The following TBCD variants were observed in gnomAD, a reference collection of about 807,000 sequenced individuals.
The protein encoded by TBCD is tubulin folding cofactor D, also known as tubulin-specific chaperone D.
TBCD carries 105 observed loss-of-function variants against 169.3 expected under a neutral mutation model. The observed-to-expected ratio is 0.62, with a 90% CI of 0.53 to 0.73. The LOEUF (loss-of-function observed/expected upper bound fraction) is 0.73. Ranked by LOEUF, TBCD falls within the 30% of genes least tolerant of loss-of-function variation. The probability of loss-of-function intolerance (pLI) is 0.00; values close to 1 mark genes in which losing one functional copy is unlikely to be tolerated. For missense variants in TBCD, 1,444 were observed against 1,600.1 expected (o/e 0.90, Z 1.66); for synonymous variants, 700 against 643.9 (o/e 1.09, Z -1.32).
rs1290288115 is a variant in TBCD at position 82,939,420 on chromosome 17, C to T, written c.3423C>T (p.Asp1141=). 5.6e-6 allele frequency: 9 copies of T among 1,613,626 alleles called. No homozygotes were observed. The highest frequency in any genetic ancestry group is 2.2e-5 in the East Asian group (1 of 44,884). The change falls in exon 37 of 39, where the codon GAC becomes GAT. Residue 1141 remains aspartate, a synonymous_variant. Transcript: ENST00000355528. ...QVYETLLTYS[D]VVGADVLDEV... ...ACGAGACATTGCTCACCTACAGTGACGTCGTGGGCGCGGATGTGCTGGACG... is the reference window on the plus strand; with the variant it reads ...ACGAGACATTGCTCACCTACAGTGATGTCGTGGGCGCGGATGTGCTGGACG...
At chr17:82,800,322 C>T (rs868203) in intron 8 of TBCD, among the ~76,000 whole-genome samples, 14,240 of 152,190 alleles carry the variant, frequency 0.094, 1,782 homozygotes, top group African/African-American at 0.29. Flanking sequence ...CTTGAGCCTC[C>T]CCTTGGCTCA....
At chr17:82,897,550 T>C (rs952824521) in intron 17 of TBCD, among the ~76,000 whole-genome samples, 1 of 151,624 alleles carries the variant, frequency 6.6e-6, no homozygotes, top group African/African-American at 2.4e-5. Context: ...TTTATCTTTG[T>C]ACATCTACTT....
rs1352420056 is a variant in TBCD, at chr17:82,939,450, G to T, written c.3453G>T (p.Val1151=). The change falls in exon 37 of 39, where the codon GTG becomes GTT. Residue 1151 remains valine (V), a synonymous_variant. Coordinates refer to ENST00000355528, the MANE Select transcript of TBCD (RefSeq NM_005993.5). ...DVVGADVLDE[V]VTVLSDTAWD... ...TGGGCGCGGATGTGCTGGACGAGGT[G>T]GTGACTGTGCTCAGTGACACTGCGT... The T allele has an allele frequency of 1.2e-6, 2 of 1,613,560 alleles. No individual in the cohort carries two copies. The highest frequency in any genetic ancestry group is 8.5e-7 in the Non-Finnish European group (1 of 1,179,820).
In TBCD at chr17:82,832,268, G is replaced by C. The variant is rs372531846; in HGVS notation, c.1318+17334G>C. 5.0e-6 allele frequency: 8 copies of C among 1,614,218 alleles called. No individual in the cohort carries two copies. The African/African-American group carries it at 1.1e-4, about 22-fold the overall frequency. On this transcript the variant is annotated intron_variant, in intron 13 of 38. Coordinates refer to ENST00000355528, the MANE Select transcript of TBCD (RefSeq NM_005993.5). This position sits in a 1 kb window ranked among gnomAD's most constrained non-coding sequence, Gnocchi z 4.9. Reference sequence around the variant, plus strand: ...AGTGAGTTAGATTTAGGGCACTTGGGAACTCGATCCTGCTCTGATACTAAA... The same window carrying C: ...AGTGAGTTAGATTTAGGGCACTTGGCAACTCGATCCTGCTCTGATACTAAA...
rs758913921 is a variant in TBCD, at chr17:82,831,094, G to T, written c.1318+16160G>T. On this transcript the variant is annotated intron_variant, in intron 13 of 38. Coordinates refer to ENST00000355528, the MANE Select transcript of TBCD (RefSeq NM_005993.5). The surrounding 1 kb of genome is among the most constrained non-coding windows in gnomAD (Gnocchi z 4.6). Reference sequence around the variant, plus strand: ...TGTGCTTTTCTTAACAGGCCTGAAGGCTGTGAGGCTTTGCTCTGGCGGGTA... The same window carrying T: ...TGTGCTTTTCTTAACAGGCCTGAAGTCTGTGAGGCTTTGCTCTGGCGGGTA... 16 of 1,614,202 alleles carry T rather than the reference G, an allele frequency of 9.9e-6. No individual in the cohort carries two copies. The South Asian group carries it at 1.5e-4, about 16-fold the overall frequency.
At chr17:82,887,649 T>G (rs758513073) in intron 15 of TBCD, among the ~76,000 whole-genome samples, 5 of 152,132 alleles carry the variant, frequency 3.3e-5, no homozygotes, top group Admixed American at 6.5e-5. Flanking sequence ...AGTTTCTGGG[T>G]CGTGGTAGTT....
intron 13 of TBCD, among the ~76,000 whole-genome samples, chr17:82,844,887 C>G (rs1464867430): frequency 2.0e-5 from 3 of 152,182 alleles, no homozygotes; most frequent in Admixed American, 6.5e-5. Context: ...GGTCCATTTA[C>G]TCAGAAGCAC....
intron 33 of TBCD, among the ~76,000 whole-genome samples, chr17:82,931,516 G>T (rs142865276): frequency 1.4e-5 from 2 of 146,890 alleles, no homozygotes; most frequent in Admixed American, 6.6e-5. Context: ...CGCTCATTCC[G>T]CCTTGCCGTT....
At chr17:82,845,592 C>T (rs980450585) in intron 13 of TBCD, among the ~76,000 whole-genome samples, 1 of 152,116 alleles carries the variant, frequency 6.6e-6, no homozygotes, top group African/African-American at 2.4e-5. Context: ...CTGGCCTGGC[C>T]CCTTGCTCTC....
At chr17:82,839,037 A>G (rs1176898373) in intron 13 of TBCD, 60 of 943,484 alleles carry the variant, frequency 6.4e-5, no homozygotes, top group South Asian at 3.4e-4. Context: ...ATCTGTGTCT[A>G]TATGTACAGA....
At chr17:82,844,719 T>C (rs1020618909) in intron 13 of TBCD, among the ~76,000 whole-genome samples, 1 of 150,796 alleles carries the variant, frequency 6.6e-6, no homozygotes, top group Non-Finnish European at 1.5e-5. Context: ...TTTAGTGGGA[T>C]TTTACCCGCT....
intron 13 of TBCD, chr17:82,859,586 C>G: frequency 4.1e-6 from 4 of 985,422 alleles, no homozygotes; most frequent in Non-Finnish European, 1.2e-6. Context: ...CTGTGGTTTC[C>G]GGCACTGCAG....
Position 82,831,680 on chromosome 17 carries a change from A to C in TBCD, c.1318+16746A>C. ...TCAGGCGAGCTCCCAGCCAGCAGGT[A>C]AGGCGAGTAGATGGTGGCCAGCCCG... On this transcript the variant is annotated intron_variant, in intron 13 of 38. Transcript: ENST00000355528. The surrounding 1 kb of genome is among the most constrained non-coding windows in gnomAD (Gnocchi z 4.6). The C allele has an allele frequency of 1.2e-6, 2 of 1,614,134 alleles. No homozygotes were observed. Among genetic ancestry groups the C allele is most frequent in the Non-Finnish European group, 1.7e-6 (2 of 1,180,020 alleles).
rs78004739 is a variant in TBCD, at chr17:82,922,883, C to T, written c.2179-769C>T. On this transcript the variant is annotated intron_variant, in intron 25 of 38. Transcript: ENST00000355528. This position sits in a 1 kb window ranked among gnomAD's most constrained non-coding sequence, Gnocchi z 4.1. The stretch of plus-strand genomic sequence containing the variant: ...GCTGTGTGGTCACGAGAGGCTCCTC[C>T]GTAGGTGGCAGAGGTGGGGGTTCGA... 0.011 allele frequency among the ~76,000 whole-genome samples: 1,691 copies of T among 152,362 alleles called. 43 individuals carry two copies. The highest frequency in any genetic ancestry group is 0.039 in the African/African-American group (1,602 of 41,580).
intron 13 of TBCD, chr17:82,858,409 A>G (rs1005610066): frequency 5.6e-6 from 1 of 178,298 alleles, no homozygotes; most frequent in African/African-American, 2.4e-5. Context: ...ACACCTTCCT[A>G]ATTTTGTTGT....
chr17:82,805,510 G>A (rs1030880359), intron 9 of TBCD, among the ~76,000 whole-genome samples: 8 of 152,160 alleles, frequency 5.3e-5, no homozygotes, highest in South Asian at 2.1e-4. Flanking sequence ...AGTGGTGGCC[G>A]TTCAGGAAGG....
At chr17:82,755,988 G>A (rs2047381697) in intron 1 of TBCD, among the ~76,000 whole-genome samples, 177 bp from the exon 2 acceptor site, 1 of 152,180 alleles carries the variant, frequency 6.6e-6, no homozygotes, top group Non-Finnish European at 1.5e-5. Context: ...GGGAGGTGGG[G>A]CATTCCCTCC....
intron 16 of TBCD, among the ~76,000 whole-genome samples, chr17:82,892,589 C>T (rs997308590): frequency 1.3e-5 from 2 of 152,084 alleles, no homozygotes; most frequent in African/African-American, 4.8e-5. Flanking sequence ...TGTTCAGTTA[C>T]GTTGACTTGC....
intron 13 of TBCD, among the ~76,000 whole-genome samples, chr17:82,869,232 C>T (rs1015465855): frequency 6.6e-6 from 1 of 152,174 alleles, no homozygotes; most frequent in Non-Finnish European, 1.5e-5. Flanking sequence ...CCTAATAAAT[C>T]GAACAAATAC....
Sources: allele counts gnomAD v4.1 joint callset (sites outside exome capture counted in the v4.1 genomes callset), GRCh38; gene constraint gnomAD v4.1.1; non-coding constraint Gnocchi (gnomAD v3.1); transcripts MANE v1.5; gene names NCBI Gene and HGNC (gene_info 2026-07-23, HGNC 2026-07-21).